The following NBPF11 variants were observed in gnomAD, a reference collection of about 807,000 sequenced individuals.
The protein encoded by NBPF11 is NBPF family member NBPF11.
NBPF11 carries 72 observed loss-of-function variants against 93.9 expected under a neutral mutation model. The ratio of observed to expected loss-of-function variants is 0.77; its 90% CI spans 0.63 to 0.93. NBPF11 has a LOEUF of 0.93. Among genes scored for constraint, NBPF11 ranks in the 40% least tolerant of loss-of-function variants. The probability of loss-of-function intolerance (pLI) is 0.00; values close to 1 mark genes in which losing one functional copy is unlikely to be tolerated. For synonymous variants in NBPF11, 224 were observed against 304.9 expected, an observed-to-expected ratio of 0.73 and a Z score of 2.76; for missense variants, 705 against 802.2, an observed-to-expected ratio of 0.88 and a Z score of 1.46.
intron 3 of NBPF11, among the ~76,000 whole-genome samples, chr1:148,136,823 G>T (rs1671367685): frequency 1.3e-5 from 2 of 151,882 alleles, no homozygotes; most frequent in African/African-American, 4.9e-5. Context: ...TTATGTCAAG[G>T]ATCTGCACTT....
intron 1 of NBPF11, among the ~76,000 whole-genome samples, chr1:148,146,117 A>G (rs1445803050): frequency 3.3e-5 from 5 of 151,224 alleles, no homozygotes; most frequent in Non-Finnish European, 7.4e-5. Context: ...GCCGGGAGCC[A>G]TGGAGCGCGG....
chr1:148,110,185 G>A (rs1332457370), intron 16 of NBPF11, among the ~76,000 whole-genome samples, 193 bp downstream of exon 16: 2 of 151,840 alleles, frequency 1.3e-5, no homozygotes, highest in African/African-American at 4.9e-5. Flanking sequence ...TAGGAAGAGA[G>A]CAAAGCTCAC....
At chr1:148,134,222 T>G (rs1670900801) in intron 4 of NBPF11, among the ~76,000 whole-genome samples, 1 of 151,022 alleles carries the variant, frequency 6.6e-6, no homozygotes, top group Admixed American at 6.6e-5. Flanking sequence ...GGAACAAAGG[T>G]AAATAATGCT....
chr1:148,111,286 A>G (rs1165355353), intron 15 of NBPF11, among the ~76,000 whole-genome samples: 2 of 152,080 alleles, frequency 1.3e-5, no homozygotes, highest in African/African-American at 2.4e-5. Flanking sequence ...TAAAACCACA[A>G]AGGTGGGGAG....
Position 148,105,512 on chromosome 1 carries a change from G to C in NBPF11, c.2320C>G (p.Leu774Val), listed in dbSNP as rs1344879416. 1.1e-5 allele frequency: 10 copies of C among 943,446 alleles called. 2 individuals carry two copies. In the East Asian group the frequency reaches 2.6e-4, roughly 25 times the overall value. 58.4% of individuals were successfully genotyped at this position (943,446 alleles called of 1,614,324 possible). ...PPCPRLSREL[L>V]EVVEPEVLQD... ...AAGACTTCAGGCTCTACTACCTCCA[G>C]CAGCTCCCTGCTGAGCCTGGAAAAG... Residue 774 changes from leucine (L) to valine (V), a missense_variant, in exon 22 of 24, where the codon CTG (leucine) becomes GTG (valine). Transcript: ENST00000682118.
chr1:148,124,762 T>C (rs1441300194), intron 6 of NBPF11, 137 bp downstream of exon 6: 1 of 750,372 alleles, frequency 1.3e-6, no homozygotes, highest in Non-Finnish European at 2.4e-6. Context: ...TGATAAATAT[T>C]TGTGTGTCAT....
intron 1 of NBPF11, among the ~76,000 whole-genome samples, chr1:148,151,464 C>T (rs1359067484): frequency 1.3e-5 from 2 of 152,074 alleles, no homozygotes; most frequent in African/African-American, 2.4e-5. Flanking sequence ...GACGTGCCCC[C>T]GAAGCTGCTC....
intron 1 of NBPF11, chr1:148,149,413 C>T: frequency 5.7e-6 from 9 of 1,580,522 alleles, no homozygotes; most frequent in Non-Finnish European, 7.7e-6. Flanking sequence ...TGATCGACTT[C>T]TCGCACGGGC....
chr1:148,126,079 C>CA (rs1322173813), intron 5 of NBPF11, among the ~76,000 whole-genome samples: 1 of 151,928 alleles, frequency 6.6e-6, no homozygotes, highest in Non-Finnish European at 1.5e-5. Context: ...TGACTCACTG[C>CA]AACATCTGCC....
chr1:148,138,514 G>A (rs1265866128), intron 2 of NBPF11, among the ~76,000 whole-genome samples: 32 of 152,044 alleles, frequency 2.1e-4, no homozygotes, highest in African/African-American at 7.7e-4. Context: ...GTCTTCCGCA[G>A]TGTAGTGTGT....
intron 23 of NBPF11, among the ~76,000 whole-genome samples, chr1:148,104,286 C>G: frequency 6.9e-6 from 1 of 145,084 alleles, no homozygotes; most frequent in Non-Finnish European, 1.5e-5. Context: ...ATAAAATATG[C>G]TCAAAATTCG....
intron 7 of NBPF11, 105 bp from the exon 8 acceptor site, chr1:148,122,906 T>A: frequency 1.3e-6 from 2 of 1,595,296 alleles, no homozygotes; most frequent in Non-Finnish European, 8.6e-7. Context: ...GGTTCAGCAT[T>A]GTACTGAAAA....
chr1:148,125,725 C>G (rs1170930029), intron 5 of NBPF11, among the ~76,000 whole-genome samples: 1 of 151,954 alleles, frequency 6.6e-6, no homozygotes, highest in Admixed American at 6.5e-5. Flanking sequence ...ACAGGAAATA[C>G]CTCATGTAAT....
chr1:148,136,781 T>C (rs2149278822), intron 3 of NBPF11, among the ~76,000 whole-genome samples: 1 of 152,030 alleles, frequency 6.6e-6, no homozygotes, highest in East Asian at 1.9e-4. Flanking sequence ...AAGCTGTTTG[T>C]TCAGTTTCAC....
chr1:148,120,452 G>A (rs1667564667), intron 10 of NBPF11, 49 bp downstream of exon 10: 5 of 845,140 alleles, frequency 5.9e-6, no homozygotes, highest in African/African-American at 5.0e-5. Flanking sequence ...TCAGAGAGAA[G>A]ACAGGACTTC....
intron 1 of NBPF11, chr1:148,149,568 G>T: frequency 1.3e-6 from 2 of 1,593,946 alleles, no homozygotes; most frequent in South Asian, 2.2e-5. Flanking sequence ...CGCGCCTAGC[G>T]GCGGCCCCAA....
chr1:148,137,491 ACT>A (rs1351564466), intron 3 of NBPF11, among the ~76,000 whole-genome samples: 1 of 152,204 alleles, frequency 6.6e-6, no homozygotes, highest in African/African-American at 2.4e-5. Context: ...GTCTCACATG[ACT>A]CTGATCAGAG....
chr1:148,146,366 G>C, intron 1 of NBPF11: 1 of 1,526,810 alleles, frequency 6.5e-7, no homozygotes, highest in East Asian at 2.5e-5. Context: ...GGGGGCCCCG[G>C]TGGAGGCCCG....
intron 1 of NBPF11, among the ~76,000 whole-genome samples, chr1:148,148,601 G>A (rs1647355598): frequency 6.6e-6 from 1 of 151,994 alleles, no homozygotes; most frequent in Admixed American, 6.5e-5. Flanking sequence ...GCTGACCTGG[G>A]TTGCACTGGC....
Sources: allele counts gnomAD v4.1 joint callset (sites outside exome capture counted in the v4.1 genomes callset), GRCh38; gene constraint gnomAD v4.1.1; transcripts MANE v1.5; gene names NCBI Gene and HGNC (gene_info 2026-07-23, HGNC 2026-07-21).